The following LLGL1 variants were observed in gnomAD, a reference collection of about 807,000 sequenced individuals.
The protein encoded by LLGL1 is LLGL scribble cell polarity complex component 1.
In LLGL1, 58 loss-of-function variants were observed where a neutral mutation model predicts 110.6. The ratio of observed to expected loss-of-function variants is 0.52; its 90% CI spans 0.42 to 0.65. The LOEUF (loss-of-function observed/expected upper bound fraction) is 0.65. Ranked by LOEUF, LLGL1 falls within the 30% of genes least tolerant of loss-of-function variation. The pLI is 0.00. For synonymous variants in LLGL1, 674 were observed against 607.2 expected (o/e 1.11, Z -1.62); for missense variants, 1,229 against 1,462.1 (o/e 0.84, Z 2.60).
rs748985228 is a variant in LLGL1 at position 18,240,840 on chromosome 17, C to T, written c.2469C>T (p.His823=). ...LAQAPDMQGG[H]AVLIASEEQF... is the part of the protein sequence containing the mutation. ...AGGCACCTGACATGCAGGGTGGTCA[C>T]GCTGTGCTCATCGCATCTGAGGAGC... Residue 823 remains histidine, a synonymous_variant, in exon 17 of 23, where the codon CAC becomes CAT. Coordinates refer to ENST00000316843, the MANE Select transcript of LLGL1 (RefSeq NM_004140.4). The surrounding 1 kb of genome is among the most constrained non-coding windows in gnomAD (Gnocchi z 5.3). The T allele has an allele frequency of 6.9e-5, 107 of 1,556,778 alleles. No individual in the cohort carries two copies. Among genetic ancestry groups the T allele is most frequent in the Admixed American group, 2.1e-4 (11 of 53,030 alleles).
chr17:18,233,631 A>T, intron 4 of LLGL1, 147 bp from the exon 5 acceptor site: 1 of 761,382 alleles, frequency 1.3e-6, no homozygotes, highest in South Asian at 1.8e-5. Context: ...ATGATGATGC[A>T]TGTCTTCCTG....
chr17:18,235,564 G>A (rs771816451), intron 11 of LLGL1, 27 bp downstream of exon 11: 14 of 1,607,340 alleles, frequency 8.7e-6, no homozygotes, highest in South Asian at 3.3e-5. Context: ...ATGTGGGTGA[G>A]TGGGCCCCTT....
At chr17:18,234,500 G>C (rs1035967570) in intron 7 of LLGL1, 92 bp downstream of exon 7, 77 of 1,579,136 alleles carry the variant, frequency 4.9e-5, no homozygotes, top group Non-Finnish European at 6.1e-5. Flanking sequence ...CTTCCCCGAG[G>C]GGGTGGTCTG....
intron 11 of LLGL1, 31 bp from the exon 12 acceptor site, chr17:18,236,576 C>T (rs755260803): frequency 6.3e-6 from 10 of 1,586,964 alleles, no homozygotes; most frequent in East Asian, 4.5e-5. Context: ...CCCAGGAACT[C>T]GGGTAGCCCT....
At chr17:18,242,418 A>G (rs905750416) in intron 20 of LLGL1, 90 bp from the exon 21 acceptor site, 6 of 1,583,296 alleles carry the variant, frequency 3.8e-6, no homozygotes, top group East Asian at 2.2e-5. Flanking sequence ...ACCCCTCACC[A>G]TGGGCTGCCT....
intron 11 of LLGL1, chr17:18,235,790 CCTGGGA>C (rs2047680142): frequency 3.8e-6 from 2 of 522,766 alleles, no homozygotes; most frequent in Non-Finnish European, 6.8e-6. Context: ...GCCTGCCTGC[CCTGGGA>C]CTGGAAAATC....
chr17:18,239,855 C>T (rs947594758), intron 16 of LLGL1, among the ~76,000 whole-genome samples: 3 of 152,002 alleles, frequency 2.0e-5, no homozygotes, highest in Non-Finnish European at 4.4e-5. Context: ...TGTTCATGGC[C>T]GGCTGGGGTT....
At chr17:18,238,646 T>TG (rs760652818) in intron 16 of LLGL1, 37 bp downstream of exon 16, 46 of 1,576,258 alleles carry the variant, frequency 2.9e-5, no homozygotes, top group East Asian at 2.3e-4. Flanking sequence ...GGGCAAGGGT[T>TG]GGGGGGGCTG....
rs1269936526 is a variant in LLGL1, at chr17:18,225,654, C to G, written c.-29C>G. The G allele has an allele frequency of 3.1e-6, 3 of 973,178 alleles. No homozygotes were observed. The highest frequency in any genetic ancestry group is 1.8e-5 in the African/African-American group (1 of 56,400). 60.3% of individuals were successfully genotyped at this position (973,178 alleles called of 1,614,324 possible). A position where few individuals can be genotyped will look rare whatever the true frequency, so the allele number is the denominator to read the frequency against. On this transcript the variant is annotated 5_prime_UTR_variant, in exon 1 of 23. Transcript: ENST00000316843. Reference sequence around the variant, plus strand: ...CGGCGCATCCTGCGGGCGGCGGCGGCGGGCGAGGCGCCTGCAGCCGGGCGC... The same window carrying G: ...CGGCGCATCCTGCGGGCGGCGGCGGGGGGCGAGGCGCCTGCAGCCGGGCGC...
At chr17:18,231,814 C>T (rs2047576732) in intron 2 of LLGL1, among the ~76,000 whole-genome samples, 3 of 152,176 alleles carry the variant, frequency 2.0e-5, no homozygotes, top group Non-Finnish European at 2.9e-5. Flanking sequence ...TGCCTGCCAG[C>T]ATGCCCGGCT....
Position 18,244,786 on chromosome 17 carries a change from T to C in LLGL1, c.*880T>C, listed in dbSNP as rs1236037716. ...CCTGTAGATTGTACCTTGGGGTTTT[T>C]TTCTGTCGTTTTGTTAAAATTAGCG... On this transcript the variant is annotated 3_prime_UTR_variant, in exon 23 of 23. Coordinates refer to ENST00000316843, the MANE Select transcript of LLGL1 (RefSeq NM_004140.4). 1.1e-5 allele frequency: 3 copies of C among 282,886 alleles called. No homozygotes were observed. The highest frequency in any genetic ancestry group is 5.8e-5 in the East Asian group (1 of 17,186). 17.5% of individuals were successfully genotyped at this position (282,886 alleles called of 1,614,324 possible).
chr17:18,240,783 C>T lies in LLGL1; in HGVS notation c.2412C>T (p.Pro804=), dbSNP rs57956221. Residue 804 remains proline (P), a synonymous_variant, in exon 17 of 23, where the codon CCC becomes CCT. Coordinates refer to ENST00000316843, the MANE Select transcript of LLGL1 (RefSeq NM_004140.4). This position sits in a 1 kb window ranked among gnomAD's most constrained non-coding sequence, Gnocchi z 5.3. The stretch of plus-strand genomic sequence containing the variant: ...TGGACGGGCGTGGCCGCCCACTGCC[C>T]GAGCCCTACGAGGCCTCACGGGACC... The part of the protein sequence containing the change: ...AVLDGRGRPL[P]EPYEASRDLA... 82 of 1,599,446 alleles carry T rather than the reference C, an allele frequency of 5.1e-5. No individual in the cohort carries two copies. The highest frequency in any genetic ancestry group is 6.7e-5 in the Non-Finnish European group (79 of 1,172,832).
Position 18,243,906 on chromosome 17 carries a change from A to T in LLGL1, c.*2-2A>T, listed in dbSNP as rs1438522907. On this transcript the variant is annotated splice_acceptor_variant, in intron 22 of 22. Transcript: ENST00000316843. LOFTEE classifies it low-confidence loss of function (3UTR_SPLICE). ...CTGATACCTCTTCTCTCCCTCTTCC[A>T]GGAAGGCCAGAACTATCCCGACCTC... The T allele has an allele frequency of 1.3e-5, 2 of 152,490 alleles. No homozygotes were observed. The highest frequency in any genetic ancestry group is 2.4e-5 in the African/African-American group (1 of 41,428). The allele number at this position is 152,490 out of a possible 1,614,324, so 9.4% of individuals were successfully genotyped here. A position where few individuals can be genotyped will look rare whatever the true frequency, so the allele number is the denominator to read the frequency against.
intron 3 of LLGL1, 36 bp from the exon 4 acceptor site, chr17:18,232,636 A>G: frequency 6.2e-7 from 1 of 1,613,988 alleles, no homozygotes; most frequent in Non-Finnish European, 8.5e-7. Flanking sequence ...TCATCCCCCT[A>G]GGCCAGCCTA....
At chr17:18,238,785 C>T (rs1288617300) in intron 16 of LLGL1, among the ~76,000 whole-genome samples, 176 bp downstream of exon 16, 1 of 151,958 alleles carries the variant, frequency 6.6e-6, no homozygotes, top group Non-Finnish European at 1.5e-5. Context: ...CCGAGGTGGG[C>T]GGATCACCTG....
chr17:18,238,204 C>CCAG lies in LLGL1; in HGVS notation c.2048_2050dup (p.Ser683dup). The CCAG allele has an allele frequency of 6.2e-7, 1 of 1,611,392 alleles. No individual in the cohort carries two copies. The highest frequency in any genetic ancestry group is 8.5e-7 in the Non-Finnish European group (1 of 1,180,006). On this transcript the variant is annotated inframe_insertion, in exon 15 of 23. Transcript: ENST00000316843. ...TCTGGCAAGAAGCGGGCTGCTAATG[C>CCAG]CAGCAGCAAGGTGAGCTGGGGTGGG...
chr17:18,236,449 T>A (rs1031065702), intron 11 of LLGL1, 158 bp from the exon 12 acceptor site: 1 of 683,036 alleles, frequency 1.5e-6, no homozygotes, highest in Non-Finnish European at 2.5e-6. Context: ...ACCTGTGCTG[T>A]CTACAGTAGG....
In LLGL1 at chr17:18,244,840, T is replaced by A. The variant is rs947375738; in HGVS notation, c.*934T>A. On this transcript the variant is annotated 3_prime_UTR_variant, in exon 23 of 23. Coordinates refer to ENST00000316843, the MANE Select transcript of LLGL1 (RefSeq NM_004140.4). ...TTTTAATATTAAAAATACTGATTTT[T>A]AATATTGAAAATAAAAGCATTTAAT... 1.0e-5 allele frequency: 4 copies of A among 397,574 alleles called. No homozygotes were observed. The highest frequency in any genetic ancestry group is 8.2e-5 in the African/African-American group (4 of 48,574). The allele number at this position is 397,574 out of a possible 1,614,324, so 24.6% of individuals were successfully genotyped here.
Position 18,240,937 on chromosome 17 carries a change from A to G in LLGL1, c.2502+64A>G. ...CCCTCCAGGCCCCAACCTCATGGAC[A>G]CCATTGGACCCTCAAGAAACCCTTC... On this transcript the variant is annotated intron_variant, in intron 17 of 22. Transcript: ENST00000316843. This position sits in a 1 kb window ranked among gnomAD's most constrained non-coding sequence, Gnocchi z 5.3. 14 of 1,422,890 alleles carry G rather than the reference A, an allele frequency of 9.8e-6. No individual in the cohort carries two copies. The highest frequency in any genetic ancestry group is 1.3e-5 in the Non-Finnish European group (14 of 1,070,128). The allele number at this position is 1,422,890 out of a possible 1,614,324, so 88.1% of individuals were successfully genotyped here.
Sources: gnomAD v4.1 joint callset for allele counts (sites outside exome capture counted in the v4.1 genomes callset) on GRCh38, gnomAD v4.1.1 for gene constraint, Gnocchi (gnomAD v3.1) non-coding constraint, MANE v1.5 for transcripts, NCBI Gene and HGNC (gene_info 2026-07-23, HGNC 2026-07-21) for gene names.